Variants in KRABD1 observed in about 807,000 individuals in gnomAD.
The protein encoded by KRABD1 is KRAB domain-containing protein 1.
At chr3:42,940,357 T>A in the KRABD1 span, among the ~76,000 whole-genome samples, 1 of 152,230 alleles carries the variant, frequency 6.6e-6, no homozygotes, top group Non-Finnish European at 1.5e-5. Flanking sequence ...CAGTATTCCA[T>A]GACACTCACT....
At chr3:42,941,386 C>T in the KRABD1 span, 1 of 1,543,544 alleles carries the variant, frequency 6.5e-7, no homozygotes, top group Non-Finnish European at 8.7e-7. Context: ...TCTGCTTGGG[C>T]CCTCAGGTTG....
the KRABD1 span, among the ~76,000 whole-genome samples, chr3:42,942,277 T>C: frequency 6.6e-6 from 1 of 152,208 alleles, no homozygotes; most frequent in African/African-American, 2.4e-5. Context: ...TTTCACACAC[T>C]GGGATGCTTT....
chr3:42,941,402 C>T, the KRABD1 span: 1 of 1,506,618 alleles, frequency 6.6e-7, no homozygotes, highest in Non-Finnish European at 8.9e-7. Context: ...GGTTGAAGGG[C>T]TCTTTTATAA....
the KRABD1 span, among the ~76,000 whole-genome samples, chr3:42,941,709 A>G: frequency 2.5e-3 from 374 of 152,184 alleles, 1 homozygote; most frequent in Non-Finnish European, 3.8e-3. Flanking sequence ...TCCTCTGACA[A>G]AGAAGGTAAA....
the KRABD1 span, chr3:42,938,686 CA>C: frequency 3.3e-4 from 141 of 425,154 alleles, no homozygotes; most frequent in Middle Eastern, 6.0e-4. Context: ...CTCCTTTTTG[CA>C]TTTCTCTGTA....
the KRABD1 span, chr3:42,942,738 G>A: frequency 1.4e-5 from 6 of 433,808 alleles, no homozygotes; most frequent in Non-Finnish European, 2.0e-5. Flanking sequence ...TTTTTCTGTA[G>A]ACTGGTAGAT....
At chr3:42,939,156 CCTCA>C in the KRABD1 span, among the ~76,000 whole-genome samples, 29 of 152,026 alleles carry the variant, frequency 1.9e-4, no homozygotes, top group Non-Finnish European at 3.7e-4. Flanking sequence ...ACTTGTATGA[CCTCA>C]CTCATAGAAA....
the KRABD1 span, chr3:42,937,932 T>A: frequency 1.3e-5 from 2 of 152,372 alleles, no homozygotes; most frequent in East Asian, 3.9e-4. Context: ...TTTTAAGGTC[T>A]ATGAGTATAT....
chr3:42,939,792 A>G, the KRABD1 span, among the ~76,000 whole-genome samples: 1 of 152,084 alleles, frequency 6.6e-6, no homozygotes, highest in Non-Finnish European at 1.5e-5. Flanking sequence ...GCTGAGCACC[A>G]TTTCATAGGT....
the KRABD1 span, chr3:42,937,600 A>G: frequency 2.0e-5 from 3 of 152,386 alleles, no homozygotes; most frequent in Middle Eastern, 3.4e-3. Context: ...TTTCTTGGAC[A>G]GAAACCATCC....
the KRABD1 span, chr3:42,942,707 C>T: frequency 1.3e-5 from 7 of 547,312 alleles, no homozygotes; most frequent in South Asian, 3.5e-5. Flanking sequence ...CCACCTTAAA[C>T]GATGTCAAAT....
At chr3:42,938,723 T>C in the KRABD1 span, 16 of 454,646 alleles carry the variant, frequency 3.5e-5, no homozygotes, top group Non-Finnish European at 5.6e-5. Context: ...CTTTGTGAGA[T>C]TGATAATAAG....
chr3:42,942,628 A>C, the KRABD1 span: 1 of 1,389,018 alleles, frequency 7.2e-7, no homozygotes. Context: ...CAATGCTGGG[A>C]AGACAGGAGA....
At chr3:42,941,931 G>C in the KRABD1 span, 8 of 1,358,094 alleles carry the variant, frequency 5.9e-6, no homozygotes, top group Non-Finnish European at 8.1e-6. Flanking sequence ...GCTCATTATT[G>C]TGTTATGTTT....
the KRABD1 span, chr3:42,942,596 AT>A: frequency 6.9e-7 from 1 of 1,450,686 alleles, no homozygotes; most frequent in Non-Finnish European, 9.1e-7. Flanking sequence ...GTAGAATAGT[AT>A]CAAAAATTTT....
At chr3:42,939,378 T>C in the KRABD1 span, among the ~76,000 whole-genome samples, 1 of 152,214 alleles carries the variant, frequency 6.6e-6, no homozygotes, top group East Asian at 1.9e-4. Flanking sequence ...TGAACTTCAC[T>C]GACGTTGTTG....
chr3:42,941,445 G>T, the KRABD1 span: 7 of 1,358,136 alleles, frequency 5.2e-6, no homozygotes, highest in African/African-American at 7.3e-5. Context: ...GATGTCAAAG[G>T]TTGCCAGGTA....
chr3:42,942,330 C>G, the KRABD1 span, among the ~76,000 whole-genome samples: 1 of 152,138 alleles, frequency 6.6e-6, no homozygotes, highest in African/African-American at 2.4e-5. Flanking sequence ...AAATACTTTA[C>G]TGGTTATTTG....
the KRABD1 span, chr3:42,941,379 G>C: frequency 1.3e-6 from 2 of 1,554,330 alleles, no homozygotes; most frequent in Non-Finnish European, 1.7e-6. Context: ...GCTGGTTTCT[G>C]CTTGGGCCCT....
Sources: gnomAD v4.1 joint callset for allele counts (sites outside exome capture counted in the v4.1 genomes callset) on GRCh38, gnomAD v4.1.1 for gene constraint, MANE v1.5 for transcripts, NCBI Gene and HGNC (gene_info 2026-07-23, HGNC 2026-07-21) for gene names.